ZNF804B: variants seen among roughly 807,000 people sequenced by gnomAD.
ZNF804B encodes zinc finger protein 804B, also known as zinc finger 804B.
ZNF804B carries 80 observed loss-of-function variants against 101.4 expected under a neutral mutation model. The ratio of observed to expected loss-of-function variants is 0.79; its 90% CI spans 0.66 to 0.95. The LOEUF is 0.95. Ranked by LOEUF, ZNF804B falls within the 40% of genes least tolerant of loss-of-function variation. The pLI, the probability that ZNF804B is intolerant of heterozygous loss-of-function variation, is 0.00. For missense variants in ZNF804B, 1,673 were observed against 1,561.9 expected (o/e 1.07, Z -1.20); for synonymous variants, 622 against 558.8 (o/e 1.11, Z -1.59).
intron 1 of ZNF804B, among the ~76,000 whole-genome samples, chr7:88,927,427 A>G (rs1792822005): frequency 6.6e-6 from 1 of 152,154 alleles, no homozygotes; most frequent in African/African-American, 2.4e-5. Context: ...CATGAAGAGA[A>G]ACATCACTTA....
chr7:88,792,733 C>T (rs1430791035), intron 1 of ZNF804B, among the ~76,000 whole-genome samples: 1 of 151,992 alleles, frequency 6.6e-6, no homozygotes. Context: ...AAGTTATATA[C>T]TCTTTCTTAG....
intron 1 of ZNF804B, among the ~76,000 whole-genome samples, chr7:89,128,143 T>C (rs938228935): frequency 6.8e-6 from 1 of 148,094 alleles, no homozygotes; most frequent in African/African-American, 2.6e-5. Context: ...AATGTTTTGA[T>C]TTTTTTTAGT....
chr7:89,153,459 A>T (rs1455086153), intron 1 of ZNF804B, among the ~76,000 whole-genome samples: 1 of 137,910 alleles, frequency 7.3e-6, no homozygotes, highest in African/African-American at 2.6e-5. Context: ...TAATAATAAT[A>T]ATAATTTTTG....
intron 1 of ZNF804B, among the ~76,000 whole-genome samples, chr7:89,197,826 C>T (rs1163230273): frequency 6.6e-6 from 1 of 151,822 alleles, no homozygotes; most frequent in Non-Finnish European, 1.5e-5. Flanking sequence ...AGATAGTTGA[C>T]ATTTTTGTAC....
intron 1 of ZNF804B, among the ~76,000 whole-genome samples, chr7:88,856,866 G>T (rs1353255529): frequency 6.6e-6 from 1 of 152,008 alleles, no homozygotes; most frequent in Non-Finnish European, 1.5e-5. Context: ...TGAGATAATC[G>T]TATGTTTTTT....
intron 1 of ZNF804B, among the ~76,000 whole-genome samples, chr7:88,912,458 C>T (rs1469431852): frequency 6.6e-6 from 1 of 151,962 alleles, no homozygotes; most frequent in Non-Finnish European, 1.5e-5. Flanking sequence ...TTATTAATTT[C>T]TTTCTTGTAT....
At chr7:88,765,629 G>C (rs918198385) in intron 1 of ZNF804B, among the ~76,000 whole-genome samples, 3 of 152,002 alleles carry the variant, frequency 2.0e-5, no homozygotes, top group Non-Finnish European at 4.4e-5. Context: ...AAAATAATTT[G>C]AATAAAAATT....
At chr7:89,117,464 G>A (rs1790328415) in intron 1 of ZNF804B, among the ~76,000 whole-genome samples, 1 of 152,074 alleles carries the variant, frequency 6.6e-6, no homozygotes, top group South Asian at 2.1e-4. Flanking sequence ...TGCATTCTGT[G>A]TTGCTATGCT....
intron 1 of ZNF804B, among the ~76,000 whole-genome samples, chr7:88,894,313 A>T (rs2115937155): frequency 6.6e-6 from 1 of 151,768 alleles, no homozygotes; most frequent in East Asian, 1.9e-4. Flanking sequence ...TCCCGGGTTG[A>T]AGTGATTTTC....
chr7:89,055,267 A>G (rs1789272873), intron 1 of ZNF804B, among the ~76,000 whole-genome samples: 1 of 152,054 alleles, frequency 6.6e-6, no homozygotes, highest in Non-Finnish European at 1.5e-5. Flanking sequence ...GAAGACAAGA[A>G]TGGTGGAAAG....
At chr7:88,918,300 A>G (rs1365862515) in intron 1 of ZNF804B, among the ~76,000 whole-genome samples, 3 of 152,142 alleles carry the variant, frequency 2.0e-5, no homozygotes, top group Admixed American at 2.0e-4. Flanking sequence ...CACTATTTGA[A>G]TTATATACAC....
intron 1 of ZNF804B, among the ~76,000 whole-genome samples, chr7:88,903,472 T>C (rs1562827622): frequency 6.6e-6 from 1 of 152,186 alleles, no homozygotes; most frequent in Non-Finnish European, 1.5e-5. Flanking sequence ...ATATACCCAG[T>C]ACTGGGATTG....
chr7:88,802,718 AG>A (rs1790609964), intron 1 of ZNF804B, among the ~76,000 whole-genome samples: 1 of 148,502 alleles, frequency 6.7e-6, no homozygotes, highest in South Asian at 2.1e-4. Context: ...CATAATGAAC[AG>A]GAAAAAAAAA....
intron 1 of ZNF804B, among the ~76,000 whole-genome samples, chr7:89,182,755 T>C (rs147122763): frequency 6.6e-6 from 1 of 152,302 alleles, no homozygotes; most frequent in Admixed American, 6.5e-5. Context: ...TGCTGATTCA[T>C]ATACTCTGAT....
intron 1 of ZNF804B, among the ~76,000 whole-genome samples, chr7:88,774,202 GTTT>G (rs11349793): frequency 4.7e-3 from 625 of 134,386 alleles, no homozygotes; most frequent in Non-Finnish European, 6.4e-3. Context: ...TGTTTTTTAA[GTTT>G]TTTTTTTTTT....
intron 2 of ZNF804B, among the ~76,000 whole-genome samples, chr7:89,307,712 C>A (rs1790586587): frequency 6.6e-6 from 1 of 151,736 alleles, no homozygotes; most frequent in South Asian, 2.1e-4. Flanking sequence ...CGTTATTTGC[C>A]TTTACATGAG....
intron 2 of ZNF804B, among the ~76,000 whole-genome samples, chr7:89,319,576 C>T (rs1170874176): frequency 9.2e-5 from 14 of 152,134 alleles, no homozygotes; most frequent in Non-Finnish European, 1.9e-4. Flanking sequence ...AGCCTGTTTA[C>T]GCGTGAAAAC....
At chr7:89,111,732 A>G (rs535586113) in intron 1 of ZNF804B, among the ~76,000 whole-genome samples, 8 of 152,300 alleles carry the variant, frequency 5.3e-5, no homozygotes, top group East Asian at 3.9e-4. Context: ...TCAACTTATT[A>G]ATTTTTTCTT....
At chr7:88,841,800 G>A (rs934692269) in intron 1 of ZNF804B, among the ~76,000 whole-genome samples, 18 of 152,112 alleles carry the variant, frequency 1.2e-4, no homozygotes, top group East Asian at 3.9e-4. Flanking sequence ...CATTATAAGC[G>A]TCACTAAAAC....
Sources: allele counts gnomAD v4.1 joint callset (sites outside exome capture counted in the v4.1 genomes callset), GRCh38; gene constraint gnomAD v4.1.1; transcripts MANE v1.5; gene names NCBI Gene and HGNC (gene_info 2026-07-23, HGNC 2026-07-21).